MRPS35: variants seen among roughly 807,000 people sequenced by gnomAD.
MRPS35 encodes mitochondrial ribosomal protein S35.
A neutral mutation model predicts 32.7 loss-of-function variants in MRPS35; 29 were observed. The observed-to-expected ratio is 0.89, with a 90% CI of 0.66 to 1.21. The LOEUF is 1.21. MRPS35 is among the 50% of genes most tolerant of loss of function. MRPS35 has a pLI of 0.00. For synonymous variants in MRPS35, 148 were observed against 139.3 expected (o/e 1.06, Z -0.44); for missense variants, 373 against 383.8 (o/e 0.97, Z 0.23).
chr12:27,713,846 G>T (rs2061837932), intron 1 of MRPS35, among the ~76,000 whole-genome samples: 1 of 152,154 alleles, frequency 6.6e-6, no homozygotes, highest in South Asian at 2.1e-4. Flanking sequence ...CCAGCACTTT[G>T]GGAGGCTGAG....
At chr12:27,720,394 C>CA (rs11414370) in intron 4 of MRPS35, among the ~76,000 whole-genome samples, 38,119 of 101,352 alleles carry the variant, frequency 0.38, 6,150 homozygotes, top group Non-Finnish European at 0.46. Flanking sequence ...AACGCCATCT[C>CA]AAAAAAAAAA....
Position 27,735,521 on chromosome 12 carries a change from C to G in MRPS35, c.597C>G (p.Cys199Trp). The G allele has an allele frequency of 6.2e-7, 1 of 1,612,204 alleles. No individual in the cohort carries two copies. The highest frequency in any genetic ancestry group is 8.5e-7 in the Non-Finnish European group (1 of 1,179,272). ...KLIKLVGERY[C>W]KTTDVLTIKT... ...TTAAACTTGTAGGAGAGCGATACTG[C>G]AAGACCACAGATGTGCTTACCATCA... is the stretch of plus-strand genomic sequence containing the variant. Residue 199 changes from cysteine (C) to tryptophan (W), a missense_variant, in exon 6 of 8, where the codon TGC becomes TGG. By Grantham distance (215) the Cys-to-Trp change is radical. Coordinates refer to ENST00000081029, the MANE Select transcript of MRPS35 (RefSeq NM_021821.4).
At chr12:27,730,316 C>G (rs1005185050) in intron 5 of MRPS35, among the ~76,000 whole-genome samples, 1 of 152,156 alleles carries the variant, frequency 6.6e-6, no homozygotes, top group Non-Finnish European at 1.5e-5. Context: ...ATGACCTTAA[C>G]AGTTTTGAGA....
At chr12:27,739,844 A>G (rs1196480279) in intron 7 of MRPS35, among the ~76,000 whole-genome samples, 2 of 152,246 alleles carry the variant, frequency 1.3e-5, no homozygotes, top group Non-Finnish European at 2.9e-5. Flanking sequence ...AAGTTGATTT[A>G]TGGGATTCTT....
In MRPS35 at chr12:27,716,453, T is replaced by C. The variant is rs767852840; in HGVS notation, c.316T>C (p.Leu106=). 1.2e-6 allele frequency: 2 copies of C among 1,613,888 alleles called. No homozygotes were observed. The highest frequency in any genetic ancestry group is 1.1e-5 in the South Asian group (1 of 91,062). The change falls in exon 3 of 8, where the codon TTA becomes CTA. Residue 106 remains leucine (L), a synonymous_variant. Transcript: ENST00000081029. The part of the protein sequence containing the change: ...PMAKEGNLEL[L]KIPNFLHLTP... The stretch of plus-strand genomic sequence containing the variant: ...GGCAAAGGAGGGAAATCTAGAACTT[T>C]TAAAGGTAAGACAAATTGCTGATTC...
chr12:27,719,109 A>G (rs2061862562), intron 3 of MRPS35, among the ~76,000 whole-genome samples: 1 of 152,108 alleles, frequency 6.6e-6, no homozygotes, highest in African/African-American at 2.4e-5. Context: ...AAAACAAAAC[A>G]AAAATCCACG....
intron 7 of MRPS35, among the ~76,000 whole-genome samples, chr12:27,741,237 G>T (rs2061963851): frequency 6.6e-6 from 1 of 152,090 alleles, no homozygotes; most frequent in Non-Finnish European, 1.5e-5. Context: ...TCCTATTTTA[G>T]TATTACGTAT....
At chr12:27,739,054 C>T (rs1269161930) in intron 7 of MRPS35, among the ~76,000 whole-genome samples, 3 of 152,062 alleles carry the variant, frequency 2.0e-5, no homozygotes, top group African/African-American at 7.2e-5. Context: ...GCACCACTAC[C>T]GCCTGGCTAA....
In MRPS35 at chr12:27,755,287, A is replaced by T; in HGVS notation, c.809A>T (p.Lys270Ile). Reference protein sequence around the residue: ...RNILETLLQMKAAEKNMEINK... With the variant: ...RNILETLLQMIAAEKNMEINK... ...ATCCTGGAAACGCTTCTCCAGATGA[A>T]AGCTGCTGAGAAAAATATGGAAATA... Residue 270 changes from lysine to isoleucine, a missense_variant, in exon 8 of 8, where the codon AAA (lysine) becomes ATA (isoleucine). Transcript: ENST00000081029. The T allele has an allele frequency of 3.1e-6, 5 of 1,613,280 alleles. No homozygotes were observed. Among genetic ancestry groups the T allele is most frequent in the Non-Finnish European group, 4.2e-6 (5 of 1,179,844 alleles).
chr12:27,726,542 T>A (rs979498157), intron 5 of MRPS35, among the ~76,000 whole-genome samples: 38 of 152,234 alleles, frequency 2.5e-4, no homozygotes, highest in African/African-American at 7.0e-4. Flanking sequence ...CACCTCCATA[T>A]TTAACATTTT....
At chr12:27,724,984 A>G (rs1295470321) in intron 5 of MRPS35, among the ~76,000 whole-genome samples, 3 of 152,158 alleles carry the variant, frequency 2.0e-5, no homozygotes, top group Non-Finnish European at 2.9e-5. Flanking sequence ...TGGCACTAAC[A>G]TAGCTCAATG....
chr12:27,735,081 TTA>T (rs1220032095), intron 5 of MRPS35, among the ~76,000 whole-genome samples: 2 of 152,214 alleles, frequency 1.3e-5, no homozygotes, highest in African/African-American at 4.8e-5. Flanking sequence ...CTTAAAGCCC[TTA>T]TGTTTTATCT....
intron 7 of MRPS35, among the ~76,000 whole-genome samples, chr12:27,748,117 C>T (rs1427145099): frequency 6.6e-6 from 1 of 152,214 alleles, no homozygotes; most frequent in Non-Finnish European, 1.5e-5. Flanking sequence ...ACTTCCTTCT[C>T]ATTGGCCTTC....
chr12:27,746,462 G>A (rs574979793), intron 7 of MRPS35, among the ~76,000 whole-genome samples: 7 of 152,276 alleles, frequency 4.6e-5, no homozygotes, highest in African/African-American at 1.7e-4. Context: ...AAGCATTTTG[G>A]ATAAGGGATA....
At position 27,710,961 on chromosome 12, in the gene MRPS35, T is replaced by A; in HGVS notation, c.112+6T>A. On this transcript the variant is annotated splice_donor_region_variant and intron_variant, in intron 1 of 7. Coordinates refer to ENST00000081029, the MANE Select transcript of MRPS35 (RefSeq NM_021821.4). ...GGTCCCGACACCTAGCCTGCGTGAG[T>A]GTCTGTCTCGTCTTCTCTGGGCTTT... The A allele has an allele frequency of 1.2e-6, 2 of 1,610,824 alleles. No homozygotes were observed. The highest frequency in any genetic ancestry group is 1.7e-6 in the Non-Finnish European group (2 of 1,178,570).
chr12:27,735,814 CAA>C (rs1460818812), intron 6 of MRPS35, among the ~76,000 whole-genome samples: 1 of 152,096 alleles, frequency 6.6e-6, no homozygotes, highest in African/African-American at 2.4e-5. Flanking sequence ...ATATAAAACT[CAA>C]GAGAGAGATT....
intron 5 of MRPS35, among the ~76,000 whole-genome samples, chr12:27,731,670 G>A (rs2061922556): frequency 6.6e-6 from 1 of 152,176 alleles, no homozygotes; most frequent in Non-Finnish European, 1.5e-5. Flanking sequence ...CATGGTTCAA[G>A]CGATTCTCCT....
Position 27,723,983 on chromosome 12 carries a change from A to G in MRPS35, c.383-64A>G, listed in dbSNP as rs79419308. 140 of 1,517,232 alleles carry G rather than the reference A, an allele frequency of 9.2e-5. No homozygotes were observed. The African/African-American group carries it at 1.8e-3, about 20-fold the overall frequency. The allele number at this position is 1,517,232 out of a possible 1,614,324, so 94.0% of individuals were successfully genotyped here. On this transcript the variant is annotated intron_variant, in intron 4 of 7. Transcript: ENST00000081029. ...TCTCAGTAATTTGGTATTGTCTAGT[A>G]GTATGCATTACAATGAGAATTTACT...
At chr12:27,716,671 C>T (rs779670585) in intron 3 of MRPS35, among the ~76,000 whole-genome samples, 1 of 152,110 alleles carries the variant, frequency 6.6e-6, no homozygotes, top group Non-Finnish European at 1.5e-5. Context: ...AAAGAATACT[C>T]AAAGAATCCT....
Sources: allele counts gnomAD v4.1 joint callset (sites outside exome capture counted in the v4.1 genomes callset), GRCh38; gene constraint gnomAD v4.1.1; transcripts MANE v1.5; gene names NCBI Gene and HGNC (gene_info 2026-07-23, HGNC 2026-07-21).